KATNA1: variants seen among roughly 807,000 people sequenced by gnomAD.
KATNA1 encodes the protein katanin catalytic subunit A1, also known as katanin p60 ATPase-containing subunit A1.
In KATNA1, 42 loss-of-function variants were observed where a neutral mutation model predicts 62.6. The observed-to-expected ratio is 0.67, with a 90% CI of 0.52 to 0.87. The LOEUF is 0.87. KATNA1 is among the 40% of genes least tolerant of loss of function. KATNA1 has a pLI of 0.00. For synonymous variants in KATNA1, 186 were observed against 201.9 expected (o/e 0.92, Z 0.67); for missense variants, 498 against 612.5 (o/e 0.81, Z 1.97).
At chr6:149,611,473 A>AAAAAAG (rs1234088919) in intron 4 of KATNA1, among the ~76,000 whole-genome samples, 1 of 148,146 alleles carries the variant, frequency 6.8e-6, no homozygotes, top group South Asian at 2.1e-4. Context: ...AAAAAAAAAA[A>AAAAAAG]AAAAAAGAAA....
At chr6:149,639,521 C>T (rs1780202595) in intron 1 of KATNA1, among the ~76,000 whole-genome samples, 3 of 152,100 alleles carry the variant, frequency 2.0e-5, no homozygotes, top group African/African-American at 7.2e-5. Flanking sequence ...ATCACTTGAA[C>T]CAGGGAGTCG....
chr6:149,615,565 C>T (rs1201239197), intron 4 of KATNA1, among the ~76,000 whole-genome samples: 1 of 152,040 alleles, frequency 6.6e-6, no homozygotes, highest in Non-Finnish European at 1.5e-5. Flanking sequence ...TAACAGAAGT[C>T]CCTCCTTATC....
chr6:149,647,843 C>T (rs948780340), intron 1 of KATNA1, among the ~76,000 whole-genome samples: 1 of 152,200 alleles, frequency 6.6e-6, no homozygotes, highest in African/African-American at 2.4e-5. Flanking sequence ...TAACAGGAAA[C>T]TATTTTTGAT....
chr6:149,614,747 C>G (rs2115105496), intron 4 of KATNA1, among the ~76,000 whole-genome samples: 1 of 152,168 alleles, frequency 6.6e-6, no homozygotes, highest in East Asian at 1.9e-4. Context: ...ATATACCAGC[C>G]TGAGAAACAT....
chr6:149,604,221 T>C (rs963661428), intron 5 of KATNA1, among the ~76,000 whole-genome samples: 2 of 152,128 alleles, frequency 1.3e-5, no homozygotes, highest in African/African-American at 4.8e-5. Context: ...ACTGTAATCC[T>C]AGCACTTTGG....
At chr6:149,617,802 G>T (rs1425374613) in intron 4 of KATNA1, among the ~76,000 whole-genome samples, 1 of 151,986 alleles carries the variant, frequency 6.6e-6, no homozygotes, top group African/African-American at 2.4e-5. Context: ...TGGGCATGGT[G>T]GCCTGCGCCT....
At chr6:149,629,431 G>C (rs1031092714) in intron 3 of KATNA1, among the ~76,000 whole-genome samples, 1 of 152,100 alleles carries the variant, frequency 6.6e-6, no homozygotes, top group Non-Finnish European at 1.5e-5. Flanking sequence ...GCCACATCTT[G>C]ATCTTGGACT....
chr6:149,595,901 T>G (rs544442587), intron 10 of KATNA1, among the ~76,000 whole-genome samples: 1 of 152,354 alleles, frequency 6.6e-6, no homozygotes, highest in South Asian at 2.1e-4. Flanking sequence ...AAAACCTACT[T>G]GAACCAGCTG....
chr6:149,626,915 C>T (rs529260689), intron 3 of KATNA1, among the ~76,000 whole-genome samples: 6 of 151,862 alleles, frequency 4.0e-5, no homozygotes, highest in African/African-American at 1.5e-4. Flanking sequence ...ACCCGGGAGG[C>T]GGAGGTTGCA....
chr6:149,619,800 G>C (rs540910300), intron 4 of KATNA1, among the ~76,000 whole-genome samples: 1 of 152,120 alleles, frequency 6.6e-6, no homozygotes, highest in Admixed American at 6.6e-5. Flanking sequence ...CCTTCCTTTG[G>C]ATATACCCAG....
intron 1 of KATNA1, among the ~76,000 whole-genome samples, chr6:149,638,845 T>C (rs1333133873): frequency 6.8e-6 from 1 of 147,500 alleles, no homozygotes; most frequent in Non-Finnish European, 1.5e-5. Flanking sequence ...CAAGCAATTC[T>C]CCCACCTCAG....
rs2114623771 is a variant in KATNA1, at chr6:149,637,843, ATT to A, written c.162+541_162+542del. 1.3e-5 allele frequency among the ~76,000 whole-genome samples: 2 copies of A among 152,308 alleles called. 1 individual carries two copies. Among genetic ancestry groups the A allele is most frequent in the South Asian group, 4.1e-4 (2 of 4,824 alleles). The stretch of plus-strand genomic sequence containing the variant: ...AAACAAAACAAAAAAAACCCCTCTT[ATT>A]AGATTCCAGCAATTAGAATTAAGTA... On this transcript the variant is annotated intron_variant, in intron 2 of 10. Transcript: ENST00000367411.
Position 149,594,895 on chromosome 6 carries a change from T to G in KATNA1, c.*141A>C, listed in dbSNP as rs1409423542. The stretch of plus-strand genomic sequence containing the variant: ...AAATTTTCAGCTTAAAAATATTGCC[T>G]TTATTCAGAATCATAAGGGTTTTTT... On this transcript the variant is annotated 3_prime_UTR_variant, in exon 11 of 11. Transcript: ENST00000367411. 3 of 617,628 alleles carry G rather than the reference T, an allele frequency of 4.9e-6. No individual in the cohort carries two copies. The Admixed American group carries it at 1.1e-4, about 22-fold the overall frequency. 38.3% of individuals were successfully genotyped at this position (617,628 alleles called of 1,614,324 possible). A position where few individuals can be genotyped will look rare whatever the true frequency, so the allele number is the denominator to read the frequency against.
chr6:149,607,754 A>C lies in KATNA1; in HGVS notation c.502-2972T>G, dbSNP rs920611418. 3.9e-5 allele frequency among the ~76,000 whole-genome samples: 6 copies of C among 152,334 alleles called. No individual in the cohort carries two copies. In the East Asian group the frequency reaches 7.7e-4, roughly 20 times the overall value. On this transcript the variant is annotated intron_variant, in intron 4 of 10. Transcript: ENST00000367411. ...TTCAGATAGACGGATTAATCAGGAC[A>C]TAAGTCCTTGGGTTTAAAACTAGTT...
chr6:149,626,131 G>C (rs1305831919), intron 3 of KATNA1, among the ~76,000 whole-genome samples: 1 of 152,018 alleles, frequency 6.6e-6, no homozygotes, highest in Admixed American at 6.6e-5. Context: ...AAGTATAGTT[G>C]GCCTTCCATA....
At chr6:149,626,702 G>A (rs1779623218) in intron 3 of KATNA1, among the ~76,000 whole-genome samples, 1 of 151,668 alleles carries the variant, frequency 6.6e-6, no homozygotes, top group African/African-American at 2.4e-5. Flanking sequence ...TACACCATCT[G>A]GCTGGACGCA....
chr6:149,627,884 C>T (rs1371558353), intron 3 of KATNA1, among the ~76,000 whole-genome samples: 5 of 151,878 alleles, frequency 3.3e-5, no homozygotes, highest in Non-Finnish European at 7.4e-5. Flanking sequence ...GGCCACAGCA[C>T]AGTGCCTGAG....
chr6:149,604,839 C>A (rs745348674), intron 4 of KATNA1, 57 bp from the exon 5 acceptor site: 4 of 1,558,436 alleles, frequency 2.6e-6, no homozygotes, highest in South Asian at 2.3e-5. Context: ...TTCTGTGAGT[C>A]GGAAACACAG....
Position 149,594,882 on chromosome 6 carries a change from T to A in KATNA1, c.*154A>T. 4 of 565,450 alleles carry A rather than the reference T, an allele frequency of 7.1e-6. No homozygotes were observed. The highest frequency in any genetic ancestry group is 1.2e-5 in the Non-Finnish European group (4 of 339,084). The allele number at this position is 565,450 out of a possible 1,614,324, so 35.0% of individuals were successfully genotyped here. A position where few individuals can be genotyped will look rare whatever the true frequency, so the allele number is the denominator to read the frequency against. On this transcript the variant is annotated 3_prime_UTR_variant, in exon 11 of 11. Transcript: ENST00000367411. ...GCTAAAGTAAAACAAATTTTCAGCTTAAAAATATTGCCTTTATTCAGAATC... is the reference window on the plus strand; with the variant it reads ...GCTAAAGTAAAACAAATTTTCAGCTAAAAAATATTGCCTTTATTCAGAATC...
Sources: allele counts gnomAD v4.1 joint callset (sites outside exome capture counted in the v4.1 genomes callset), GRCh38; gene constraint gnomAD v4.1.1; transcripts MANE v1.5; gene names NCBI Gene and HGNC (gene_info 2026-07-23, HGNC 2026-07-21).